TPD52: variants seen among roughly 807,000 people sequenced by gnomAD.
TPD52 encodes prostate and colon associated protein.
TPD52 carries 17 observed loss-of-function variants against 31.3 expected under a neutral mutation model. The observed-to-expected ratio is 0.54, with a 90% CI of 0.37 to 0.82. TPD52 has a LOEUF of 0.82. Among genes scored for constraint, TPD52 ranks in the 40% least tolerant of loss-of-function variants. TPD52 has a pLI of 0.00. For missense variants in TPD52, 212 were observed against 240.1 expected (o/e 0.88, Z 0.77); for synonymous variants, 83 against 89.6 (o/e 0.93, Z 0.42).
chr8:80,107,539 G>A (rs184552136), intron 1 of TPD52, among the ~76,000 whole-genome samples: 23 of 152,182 alleles, frequency 1.5e-4, no homozygotes, highest in Middle Eastern at 3.4e-3. Flanking sequence ...CAAACCAGAC[G>A]TTATCTCCTT....
In TPD52 at chr8:80,116,509, C is replaced by T. The variant is rs1807873525; in HGVS notation, c.20-51916G>A. On this transcript the variant is annotated intron_variant, in intron 1 of 7. Coordinates refer to ENST00000518937, the MANE Select transcript of TPD52 (RefSeq NM_001025253.3). ...CTAACAAGCAAAGATATTCAAAAAC[C>T]ACCCACATGCAAAGGCCTACTCCCA... Among the ~76,000 whole-genome samples, 4 of 150,954 alleles carry T rather than the reference C, an allele frequency of 2.6e-5. No individual in the cohort carries two copies. The South Asian group carries it at 8.4e-4, about 32-fold the overall frequency.
intron 7 of TPD52, chr8:80,042,218 C>G (rs116012188): frequency 2.0e-6 from 2 of 985,288 alleles, no homozygotes; most frequent in South Asian, 9.4e-5. Flanking sequence ...ATAGCACATA[C>G]ATCTATCACT....
intron 1 of TPD52, among the ~76,000 whole-genome samples, chr8:80,162,159 T>C (rs1199660591): frequency 6.6e-6 from 1 of 152,052 alleles, no homozygotes; most frequent in Non-Finnish European, 1.5e-5. Flanking sequence ...CAATTACAAG[T>C]GTCTAAACAG....
intron 1 of TPD52, among the ~76,000 whole-genome samples, chr8:80,103,265 A>G (rs1445260337): frequency 6.6e-6 from 1 of 152,248 alleles, no homozygotes; most frequent in African/African-American, 2.4e-5. Flanking sequence ...TGAACAAACC[A>G]AAGCCCAATG....
Position 80,135,876 on chromosome 8 carries a change from A to C in TPD52, c.19+35549T>G, listed in dbSNP as rs1231530122. Among the ~76,000 whole-genome samples, 3 of 127,160 alleles carry C rather than the reference A, an allele frequency of 2.4e-5. No homozygotes were observed. The East Asian group carries it at 7.2e-4, about 30-fold the overall frequency. The allele number at this position is 127,160 out of a possible 152,430, so 83.4% of individuals were successfully genotyped here. A position where few individuals can be genotyped will look rare whatever the true frequency, so the allele number is the denominator to read the frequency against. On this transcript the variant is annotated intron_variant, in intron 1 of 7. Coordinates refer to ENST00000518937, the MANE Select transcript of TPD52 (RefSeq NM_001025253.3). ...AAATCATCATTCTCAGTAAACTATC[A>C]CAAGAACAAAAAACCAAACACCGCA...
intron 4 of TPD52, chr8:80,051,311 ACCT>A: frequency 1.8e-6 from 1 of 550,452 alleles, no homozygotes; most frequent in Non-Finnish European, 3.2e-6. Flanking sequence ...TTTTTCAACA[ACCT>A]TAAATGATCA....
intron 1 of TPD52, among the ~76,000 whole-genome samples, chr8:80,155,499 C>T (rs1257621532): frequency 1.3e-5 from 2 of 152,014 alleles, no homozygotes; most frequent in African/African-American, 2.4e-5. Context: ...AATAGTCAGA[C>T]GTTGAGCAGT....
At chr8:80,171,320 A>G (rs751108265) in intron 1 of TPD52, 105 bp downstream of exon 1, 1 of 1,457,194 alleles carries the variant, frequency 6.9e-7, no homozygotes, top group Non-Finnish European at 9.4e-7. Context: ...GAGGCTCGGC[A>G]CCTGCTCGAG....
intron 1 of TPD52, among the ~76,000 whole-genome samples, chr8:80,166,606 A>C (rs1811732833): frequency 6.6e-6 from 1 of 151,570 alleles, no homozygotes; most frequent in East Asian, 2.0e-4. Flanking sequence ...TTCAATAAGA[A>C]ATTTTGTGAT....
intron 1 of TPD52, among the ~76,000 whole-genome samples, chr8:80,101,272 A>T (rs549463092): frequency 2.6e-4 from 39 of 152,148 alleles, no homozygotes; most frequent in Admixed American, 7.9e-4. Context: ...ACATGGTGAA[A>T]CCCCGTCTCT....
intron 1 of TPD52, among the ~76,000 whole-genome samples, chr8:80,154,735 AC>A (rs1563666300): frequency 0.053 from 7,475 of 141,560 alleles, 305 homozygotes; most frequent in Middle Eastern, 0.11. Flanking sequence ...ACACACACAC[AC>A]ACACACACAC....
chr8:80,100,102 A>G (rs1003898408), intron 1 of TPD52, among the ~76,000 whole-genome samples: 2 of 152,250 alleles, frequency 1.3e-5, no homozygotes, highest in African/African-American at 2.4e-5. Flanking sequence ...TTTTAAATTT[A>G]GATTCTTGAT....
intron 3 of TPD52, 172 bp downstream of exon 3, chr8:80,053,110 T>C (rs1241623004): frequency 1.2e-5 from 7 of 601,002 alleles, no homozygotes; most frequent in Non-Finnish European, 1.9e-5. Context: ...CTGGAAAAAT[T>C]GAAGTTACAA....
chr8:80,089,936 GA>G (rs1389408774), intron 1 of TPD52, among the ~76,000 whole-genome samples: 1 of 152,186 alleles, frequency 6.6e-6, no homozygotes. Context: ...AGAGAAACTG[GA>G]TAAGATCAAA....
chr8:80,101,448 C>CAAAAAAA (rs113660828), intron 1 of TPD52, among the ~76,000 whole-genome samples: 52 of 114,700 alleles, frequency 4.5e-4, no homozygotes, highest in African/African-American at 1.0e-3. Context: ...ACTCCCAGCT[C>CAAAAAAA]AAAAAAAAAA....
intron 1 of TPD52, among the ~76,000 whole-genome samples, chr8:80,148,653 T>C (rs1016339665): frequency 5.9e-5 from 9 of 152,174 alleles, no homozygotes; most frequent in Admixed American, 5.9e-4. Flanking sequence ...CAGATTTTGC[T>C]GAAGAGAAAA....
chr8:80,054,541 C>A (rs1811677606), intron 2 of TPD52, among the ~76,000 whole-genome samples: 1 of 152,130 alleles, frequency 6.6e-6, no homozygotes, highest in Admixed American at 6.5e-5. Flanking sequence ...AGAAATGCGT[C>A]TCCTGGCTTG....
chr8:80,035,856 G>C lies in TPD52; in HGVS notation c.*2260C>G, dbSNP rs1161470314. ...TAGTGTCAAACACAAGAGGAACCAG[G>C]AACTGTTTCTGGCATTTCTACTAAT... On this transcript the variant is annotated 3_prime_UTR_variant, in exon 8 of 8. Transcript: ENST00000518937. 6.6e-6 allele frequency: 1 copy of C among 152,142 alleles called. No individual in the cohort carries two copies. The highest frequency in any genetic ancestry group is 1.5e-5 in the Non-Finnish European group (1 of 68,024). 9.4% of individuals were successfully genotyped at this position (152,142 alleles called of 1,614,324 possible).
In TPD52 at chr8:80,035,559, T is replaced by A. The variant is rs989999481; in HGVS notation, c.*2557A>T. ...TTCCAATACTATACAAAAAATAGACTGTGCATATCTTAACAGATCCAGATC... is the reference window on the plus strand; with the variant it reads ...TTCCAATACTATACAAAAAATAGACAGTGCATATCTTAACAGATCCAGATC... On this transcript the variant is annotated 3_prime_UTR_variant, in exon 8 of 8. Coordinates refer to ENST00000518937, the MANE Select transcript of TPD52 (RefSeq NM_001025253.3). 5.3e-5 allele frequency: 8 copies of A among 152,334 alleles called. 1 individual carries two copies. Among genetic ancestry groups the A allele is most frequent in the Admixed American group, 2.6e-4 (4 of 15,306 alleles). 9.4% of individuals were successfully genotyped at this position (152,334 alleles called of 1,614,324 possible).
Sources: gnomAD v4.1 joint callset for allele counts (sites outside exome capture counted in the v4.1 genomes callset) on GRCh38, gnomAD v4.1.1 for gene constraint, MANE v1.5 for transcripts, NCBI Gene and HGNC (gene_info 2026-07-23, HGNC 2026-07-21) for gene names.